PCCA: variants seen among roughly 807,000 people sequenced by gnomAD.
PCCA encodes the protein propionyl-CoA carboxylase subunit alpha.
PCCA carries 74 observed loss-of-function variants against 101.3 expected under a neutral mutation model. The observed-to-expected ratio is 0.73, with a 90% confidence interval of 0.61 to 0.89. The LOEUF (loss-of-function observed/expected upper bound fraction) is 0.89. Ranked by LOEUF, PCCA falls within the 40% of genes least tolerant of loss-of-function variation. The pLI is 0.00. For synonymous variants in PCCA, 294 were observed against 313.6 expected, an observed-to-expected ratio of 0.94 and a Z score of 0.66; for missense variants, 891 against 907.0, an observed-to-expected ratio of 0.98 and a Z score of 0.23.
At chr13:100,251,256 C>T (rs1166585744) in intron 8 of PCCA, among the ~76,000 whole-genome samples, 2 of 152,144 alleles carry the variant, frequency 1.3e-5, no homozygotes, top group African/African-American at 4.8e-5. Flanking sequence ...CCAGGAAGCT[C>T]ATATACAAAG....
intron 18 of PCCA, 21 bp downstream of exon 18, chr13:100,340,280 CAG>C: frequency 1.7e-6 from 2 of 1,182,466 alleles, no homozygotes; most frequent in Non-Finnish European, 2.5e-6. Context: ...TCATTTAAAA[CAG>C]AATAAATGAG....
intron 11 of PCCA, among the ~76,000 whole-genome samples, chr13:100,269,916 A>T (rs568099283): frequency 2.6e-5 from 4 of 152,128 alleles, no homozygotes; most frequent in African/African-American, 4.8e-5. Context: ...GAGGGGAAGG[A>T]TCATTGTTCC....
intron 6 of PCCA, among the ~76,000 whole-genome samples, chr13:100,182,098 CTT>C (rs558498604): frequency 2.0e-4 from 21 of 105,436 alleles, no homozygotes; most frequent in East Asian, 5.5e-4. Context: ...TTTTCTTTTT[CTT>C]TTTTTTTTTT....
At chr13:100,148,256 G>C (rs1284890452) in intron 4 of PCCA, among the ~76,000 whole-genome samples, 1 of 152,072 alleles carries the variant, frequency 6.6e-6, no homozygotes. Flanking sequence ...CATATCTCAG[G>C]TGTTTTTACC....
chr13:100,353,176 A>G (rs973918525), intron 18 of PCCA, among the ~76,000 whole-genome samples: 2 of 152,260 alleles, frequency 1.3e-5, no homozygotes, highest in Non-Finnish European at 1.5e-5. Flanking sequence ...GAAATAGGCA[A>G]TTCCACAATA....
chr13:100,309,354 G>T (rs949044140), intron 15 of PCCA, among the ~76,000 whole-genome samples: 1 of 152,158 alleles, frequency 6.6e-6, no homozygotes, highest in Non-Finnish European at 1.5e-5. Flanking sequence ...CTGAGATTGC[G>T]CCACTGCCCT....
At chr13:100,493,198 T>C (rs2085029972) in intron 21 of PCCA, among the ~76,000 whole-genome samples, 1 of 152,184 alleles carries the variant, frequency 6.6e-6, no homozygotes. Context: ...GTGCTCTCCC[T>C]CCCATAAGGG....
chr13:100,429,652 G>T (rs1160875957), intron 20 of PCCA, among the ~76,000 whole-genome samples: 3 of 151,876 alleles, frequency 2.0e-5, no homozygotes, highest in Non-Finnish European at 4.4e-5. Context: ...TGTTGCCCAG[G>T]CTGGAGTGCA....
intron 16 of PCCA, among the ~76,000 whole-genome samples, chr13:100,312,677 A>G (rs1331855947): frequency 6.6e-6 from 1 of 152,238 alleles, no homozygotes; most frequent in Non-Finnish European, 1.5e-5. Context: ...CTGACCAACC[A>G]CAGTGTCCGC....
intron 1 of PCCA, among the ~76,000 whole-genome samples, chr13:100,100,787 C>CTT (rs35809308): frequency 6.9e-6 from 1 of 144,182 alleles, no homozygotes; most frequent in African/African-American, 2.5e-5. Context: ...TCTACTTCTT[C>CTT]TTTTTTTTTT....
chr13:100,181,097 A>T (rs898484266), intron 6 of PCCA, among the ~76,000 whole-genome samples: 4 of 152,198 alleles, frequency 2.6e-5, no homozygotes, highest in African/African-American at 7.2e-5. Flanking sequence ...CCATATTGTG[A>T]CCATGAGGGT....
chr13:100,253,367 T>G (rs2061877382), intron 8 of PCCA, among the ~76,000 whole-genome samples: 1 of 152,184 alleles, frequency 6.6e-6, no homozygotes, highest in Admixed American at 6.5e-5. Flanking sequence ...TCGTTGGCCT[T>G]TGTAGCCTGC....
chr13:100,494,769 C>A (rs1201371098), intron 21 of PCCA, among the ~76,000 whole-genome samples: 1 of 152,146 alleles, frequency 6.6e-6, no homozygotes, highest in African/African-American at 2.4e-5. Context: ...CTGCCCGGCC[C>A]GCTGGCTTCC....
At chr13:100,372,135 A>G (rs1276416680) in intron 19 of PCCA, among the ~76,000 whole-genome samples, 1 of 152,206 alleles carries the variant, frequency 6.6e-6, no homozygotes, top group Non-Finnish European at 1.5e-5. Flanking sequence ...ACTTGAGCTC[A>G]GGAGTTCAAG....
chr13:100,326,215 A>C (rs1231296982), intron 16 of PCCA, among the ~76,000 whole-genome samples: 1 of 152,176 alleles, frequency 6.6e-6, no homozygotes, highest in African/African-American at 2.4e-5. Flanking sequence ...ATTTGACATA[A>C]AAGGTGGAGT....
At chr13:100,295,578 C>T (rs2065463611) in intron 12 of PCCA, among the ~76,000 whole-genome samples, 1 of 152,178 alleles carries the variant, frequency 6.6e-6, no homozygotes, top group African/African-American at 2.4e-5. Flanking sequence ...ATCTCCTATG[C>T]CTTCTCTATT....
chr13:100,452,106 T>TCTTCCTCTCC (rs2081365709), intron 21 of PCCA, among the ~76,000 whole-genome samples: 1 of 105,812 alleles, frequency 9.5e-6, no homozygotes, highest in African/African-American at 3.7e-5. Flanking sequence ...CCTCTTCCTT[T>TCTTCCTCTCC]CTCTCTCTCC....
intron 4 of PCCA, among the ~76,000 whole-genome samples, chr13:100,124,009 G>A (rs1387670510): frequency 6.6e-6 from 1 of 152,120 alleles, no homozygotes; most frequent in Non-Finnish European, 1.5e-5. Context: ...TTAGTTTGGT[G>A]AATAGTGAGA....
chr13:100,386,287 T>A (rs1182537938), intron 19 of PCCA, among the ~76,000 whole-genome samples: 1 of 152,214 alleles, frequency 6.6e-6, no homozygotes, highest in Non-Finnish European at 1.5e-5. Flanking sequence ...AAACTGCCTG[T>A]CAGACTGGAA....
Sources: allele counts gnomAD v4.1 joint callset (sites outside exome capture counted in the v4.1 genomes callset), GRCh38; gene constraint gnomAD v4.1.1; transcripts MANE v1.5; gene names NCBI Gene and HGNC (gene_info 2026-07-23, HGNC 2026-07-21).